Variants in ILRUN observed in about 807,000 individuals in gnomAD.
ILRUN encodes the protein inflammation and lipid regulator with UBA-like and NBR1-like domains.
A neutral mutation model predicts 33.8 loss-of-function variants in ILRUN; 3 were observed. That is an observed-to-expected ratio of 0.09 (90% confidence interval 0.04 to 0.23). The LOEUF is 0.23. Ranked by LOEUF, ILRUN falls within the 10% of genes least tolerant of loss-of-function variation. The pLI, the probability that ILRUN is intolerant of heterozygous loss-of-function variation, is 1.00. For missense variants in ILRUN, 210 were observed against 375.1 expected, an observed-to-expected ratio of 0.56 and a Z score of 3.64; for synonymous variants, 124 against 138.9, an observed-to-expected ratio of 0.89 and a Z score of 0.75.
At chr6:34,631,537 C>T (rs540778830) in intron 3 of ILRUN, among the ~76,000 whole-genome samples, 10 of 152,130 alleles carry the variant, frequency 6.6e-5, no homozygotes, top group Non-Finnish European at 1.0e-4. Flanking sequence ...CCAAGTTGGC[C>T]AGGCTGGTCT....
intron 1 of ILRUN, among the ~76,000 whole-genome samples, chr6:34,664,782 G>A (rs539671942): frequency 1.3e-5 from 2 of 152,262 alleles, no homozygotes; most frequent in South Asian, 2.1e-4. Context: ...ATGGTTTATC[G>A]TTGCTCATGA....
chr6:34,682,274 T>TC (rs1763382749), intron 1 of ILRUN, among the ~76,000 whole-genome samples: 4 of 144,044 alleles, frequency 2.8e-5, no homozygotes, highest in Non-Finnish European at 4.5e-5. Context: ...TTTTTTTTTT[T>TC]TTTGAGACAG....
At chr6:34,611,870 G>A (rs1200344109) in intron 3 of ILRUN, among the ~76,000 whole-genome samples, 2 of 152,122 alleles carry the variant, frequency 1.3e-5, no homozygotes, top group Non-Finnish European at 2.9e-5. Flanking sequence ...CACCTAACAG[G>A]AACATAGGAA....
At chr6:34,610,140 G>A (rs1445450814) in intron 3 of ILRUN, among the ~76,000 whole-genome samples, 3 of 149,310 alleles carry the variant, frequency 2.0e-5, no homozygotes, top group Non-Finnish European at 3.0e-5. Context: ...CAGCCTGGGC[G>A]ACTGAGCAAG....
intron 3 of ILRUN, among the ~76,000 whole-genome samples, chr6:34,619,546 G>A (rs1761967681): frequency 6.6e-6 from 1 of 152,004 alleles, no homozygotes; most frequent in South Asian, 2.1e-4. Context: ...GTAGAAATGG[G>A]GTCTCCCTTT....
chr6:34,648,183 A>G (rs894521268), intron 2 of ILRUN, among the ~76,000 whole-genome samples: 2 of 152,200 alleles, frequency 1.3e-5, no homozygotes, highest in Admixed American at 6.5e-5. Context: ...AAACTTCTAT[A>G]TATCTTTTTT....
At chr6:34,691,170 G>A (rs1031425266) in intron 1 of ILRUN, among the ~76,000 whole-genome samples, 5 of 152,114 alleles carry the variant, frequency 3.3e-5, no homozygotes, top group Non-Finnish European at 7.4e-5. Context: ...TTACAGGTGT[G>A]AGCCACTGCA....
At chr6:34,658,387 A>G (rs1762818493) in intron 1 of ILRUN, among the ~76,000 whole-genome samples, 1 of 151,758 alleles carries the variant, frequency 6.6e-6, no homozygotes, top group Non-Finnish European at 1.5e-5. Flanking sequence ...ATAGTTGCAC[A>G]CTGCCAATAT....
At chr6:34,680,655 G>C (rs58643640) in intron 1 of ILRUN, among the ~76,000 whole-genome samples, 1 of 152,026 alleles carries the variant, frequency 6.6e-6, no homozygotes, top group Non-Finnish European at 1.5e-5. Context: ...GTTTCACCAC[G>C]TTGGCCAGGC....
chr6:34,666,335 G>A (rs917980748), intron 1 of ILRUN, among the ~76,000 whole-genome samples: 5 of 152,136 alleles, frequency 3.3e-5, no homozygotes, highest in South Asian at 2.1e-4. Flanking sequence ...CGAGGCAGGC[G>A]GATCACCTGA....
chr6:34,604,852 G>A (rs2127319019), intron 4 of ILRUN, among the ~76,000 whole-genome samples: 1 of 152,160 alleles, frequency 6.6e-6, no homozygotes, highest in East Asian at 1.9e-4. Flanking sequence ...CTTCATTTAT[G>A]CTATTACTAC....
rs1330919396 is a variant in ILRUN at position 34,587,832 on chromosome 6, AC to A, written c.*2732del. The A allele has an allele frequency of 4.1e-5, 16 of 387,888 alleles. No individual in the cohort carries two copies. The highest frequency in any genetic ancestry group is 3.1e-4 in the African/African-American group (15 of 48,546). 24.0% of individuals were successfully genotyped at this position (387,888 alleles called of 1,614,324 possible). On this transcript the variant is annotated 3_prime_UTR_variant, in exon 5 of 5. Transcript: ENST00000374023. ...CACACACCTCACTCCATGCACACTG[AC>A]AGATTCTTCCCAAGTCTGAACCCCT... is the stretch of plus-strand genomic sequence containing the variant.
At chr6:34,609,855 C>T (rs1761711348) in intron 3 of ILRUN, among the ~76,000 whole-genome samples, 2 of 152,116 alleles carry the variant, frequency 1.3e-5, no homozygotes, top group Admixed American at 1.3e-4. Context: ...ATTCCAGATA[C>T]ACTTATCATC....
rs1264167323 is a variant in ILRUN, at chr6:34,655,130, GTAT to G, written c.159-354_159-352del. Among the ~76,000 whole-genome samples the G allele has an allele frequency of 4.6e-5, 7 of 152,028 alleles. No homozygotes were observed. In the East Asian group the frequency reaches 1.2e-3, roughly 25 times the overall value. On this transcript the variant is annotated intron_variant, in intron 1 of 4. Transcript: ENST00000374023. ...TCAAAGAAGCACTACTTTTTATTTTGTATTATTATTATTTGTTAATATTAAAAA... is the reference window on the plus strand; with the variant it reads ...TCAAAGAAGCACTACTTTTTATTTTGTATTATTATTTGTTAATATTAAAAA...
intron 2 of ILRUN, 111 bp downstream of exon 2, chr6:34,654,514 G>A (rs1467572114): frequency 1.6e-5 from 18 of 1,112,862 alleles, no homozygotes; most frequent in Non-Finnish European, 2.3e-5. Flanking sequence ...TCATGTGTAA[G>A]AGAAAGCTCG....
chr6:34,672,242 C>T (rs1272449665), intron 1 of ILRUN, among the ~76,000 whole-genome samples: 1 of 152,054 alleles, frequency 6.6e-6, no homozygotes, highest in African/African-American at 2.4e-5. Context: ...TACAGGTGTG[C>T]ACCACCACAC....
intron 3 of ILRUN, among the ~76,000 whole-genome samples, chr6:34,637,215 T>TA (rs1762382027): frequency 6.6e-6 from 1 of 152,202 alleles, no homozygotes; most frequent in Non-Finnish European, 1.5e-5. Flanking sequence ...TAACTATATC[T>TA]GGCCTAAGCT....
rs188627124 is a variant in ILRUN, at chr6:34,629,656, T to A, written c.511+16945A>T. On this transcript the variant is annotated intron_variant, in intron 3 of 4. Coordinates refer to ENST00000374023, the MANE Select transcript of ILRUN (RefSeq NM_024294.4). ...GCTAGATGTCATTTTCTGGGCATTATCCTGTTTGGTGTTCTCTGAGCTTCC... is the reference window on the plus strand; with the variant it reads ...GCTAGATGTCATTTTCTGGGCATTAACCTGTTTGGTGTTCTCTGAGCTTCC... Among the ~76,000 whole-genome samples, 12 of 152,324 alleles carry A rather than the reference T, an allele frequency of 7.9e-5. No individual in the cohort carries two copies. The East Asian group carries it at 2.3e-3, about 29-fold the overall frequency.
chr6:34,651,551 G>C (rs1378880263), intron 2 of ILRUN, among the ~76,000 whole-genome samples: 2 of 151,792 alleles, frequency 1.3e-5, no homozygotes, highest in African/African-American at 4.8e-5. Flanking sequence ...GCCACAAGAT[G>C]GTATTTAAAA....
Sources: allele counts gnomAD v4.1 joint callset (sites outside exome capture counted in the v4.1 genomes callset), GRCh38; gene constraint gnomAD v4.1.1; transcripts MANE v1.5; gene names NCBI Gene and HGNC (gene_info 2026-07-23, HGNC 2026-07-21).